DPP10: variants seen among roughly 807,000 people sequenced by gnomAD.
DPP10 encodes dipeptidyl peptidase like 10.
DPP10 carries 33 observed loss-of-function variants against 120.9 expected under a neutral mutation model. That is an observed-to-expected ratio of 0.27 (90% CI 0.21 to 0.37). DPP10 has a LOEUF of 0.37. Ranked by LOEUF, DPP10 falls within the 10% of genes least tolerant of loss-of-function variation. DPP10 has a pLI of 1.00. For missense variants in DPP10, 816 were observed against 942.8 expected (o/e 0.87, Z 1.76); for synonymous variants, 337 against 326.1 (o/e 1.03, Z -0.36).
Position 114,926,667 on chromosome 2 carries a change from T to C in DPP10, c.61-382572T>C, listed in dbSNP as rs72832469. ...CTGGGAGAGAAGGGTCCATGTGTTC[T>C]CCTGCCTGGACCCTCTAGCAAGCTA... On this transcript the variant is annotated intron_variant, in intron 1 of 25. Coordinates refer to ENST00000410059, the MANE Select transcript of DPP10 (RefSeq NM_020868.6). Among the ~76,000 whole-genome samples the C allele has an allele frequency of 4.4e-3, 675 of 152,220 alleles. 1 individual carries two copies. Among genetic ancestry groups the C allele is most frequent in the Non-Finnish European group, 7.0e-3 (477 of 68,004 alleles).
intron 1 of DPP10, among the ~76,000 whole-genome samples, chr2:114,702,231 T>A (rs1444020735): frequency 1.3e-5 from 2 of 152,144 alleles, no homozygotes; most frequent in East Asian, 3.9e-4. Context: ...TGCATGAGTC[T>A]ACCATCACTT....
chr2:114,450,190 C>T (rs1465607089), intron 1 of DPP10, among the ~76,000 whole-genome samples: 1 of 152,106 alleles, frequency 6.6e-6, no homozygotes, highest in Non-Finnish European at 1.5e-5. Flanking sequence ...ATACCTTCCC[C>T]ATCCCCCAAA....
chr2:115,512,744 G>A (rs2077300006), intron 4 of DPP10, among the ~76,000 whole-genome samples: 1 of 151,800 alleles, frequency 6.6e-6, no homozygotes, highest in South Asian at 2.1e-4. Context: ...TTTCATTTGG[G>A]TCAAATAACA....
intron 1 of DPP10, among the ~76,000 whole-genome samples, chr2:114,897,558 G>A (rs1693134052): frequency 6.6e-6 from 1 of 152,026 alleles, no homozygotes; most frequent in Admixed American, 6.6e-5. Flanking sequence ...GAGTGAACAG[G>A]CAACCTACAA....
At chr2:115,826,083 G>A (rs920670112) in intron 21 of DPP10, among the ~76,000 whole-genome samples, 1 of 152,164 alleles carries the variant, frequency 6.6e-6, no homozygotes, top group Non-Finnish European at 1.5e-5. Flanking sequence ...TCATTATCAT[G>A]CTGATTGAAA....
At chr2:115,368,905 T>C (rs1309291693) in intron 3 of DPP10, among the ~76,000 whole-genome samples, 1 of 151,940 alleles carries the variant, frequency 6.6e-6, no homozygotes, top group Non-Finnish European at 1.5e-5. Context: ...ATGGTAATAT[T>C]ACTGTATGGT....
chr2:114,606,349 C>T (rs1692805699), intron 1 of DPP10, among the ~76,000 whole-genome samples: 1 of 152,072 alleles, frequency 6.6e-6, no homozygotes. Context: ...CCAGCCCTTT[C>T]CTGACTTCCT....
chr2:115,148,106 C>T (rs1342664645), intron 1 of DPP10, among the ~76,000 whole-genome samples: 3 of 152,144 alleles, frequency 2.0e-5, no homozygotes, highest in African/African-American at 7.2e-5. Context: ...ACTGAGTTCA[C>T]AAAGGCAAGA....
At chr2:115,168,973 CA>C in intron 1 of DPP10, among the ~76,000 whole-genome samples, 2 of 152,034 alleles carry the variant, frequency 1.3e-5, no homozygotes, top group East Asian at 3.9e-4. Context: ...ATGTCTTCCA[CA>C]AAATAAAAAA....
At chr2:114,599,245 A>C (rs1489753563) in intron 1 of DPP10, among the ~76,000 whole-genome samples, 3 of 151,934 alleles carry the variant, frequency 2.0e-5, no homozygotes, top group Non-Finnish European at 4.4e-5. Flanking sequence ...CCTTTTAAAA[A>C]TATGCATGCA....
At chr2:114,481,638 C>T (rs1006788850) in intron 1 of DPP10, among the ~76,000 whole-genome samples, 3 of 152,100 alleles carry the variant, frequency 2.0e-5, no homozygotes, top group African/African-American at 7.2e-5. Flanking sequence ...AAGAGATGGA[C>T]AAGCAACAAC....
chr2:115,796,098 G>A (rs545681501), intron 19 of DPP10, among the ~76,000 whole-genome samples: 5 of 151,818 alleles, frequency 3.3e-5, no homozygotes, highest in Admixed American at 3.3e-4. Context: ...TTTTCTCTTC[G>A]TTTTTATCTC....
At chr2:114,645,351 A>T (rs562150744) in intron 1 of DPP10, among the ~76,000 whole-genome samples, 8 of 152,360 alleles carry the variant, frequency 5.3e-5, no homozygotes, top group South Asian at 4.1e-4. Flanking sequence ...ATAGGCCAAG[A>T]TACCTGAAGA....
At chr2:114,671,921 A>G (rs1698370960) in intron 1 of DPP10, among the ~76,000 whole-genome samples, 1 of 152,094 alleles carries the variant, frequency 6.6e-6, no homozygotes, top group Non-Finnish European at 1.5e-5. Flanking sequence ...ATATTTTCTC[A>G]CATTCTACTG....
chr2:114,708,950 T>C (rs943083118), intron 1 of DPP10, among the ~76,000 whole-genome samples: 10 of 152,124 alleles, frequency 6.6e-5, no homozygotes, highest in African/African-American at 2.4e-4. Context: ...GAGACAGTGT[T>C]TCACTATGTA....
Position 114,880,358 on chromosome 2 carries a change from T to G in DPP10, c.61-428881T>G, listed in dbSNP as rs10207636. ...TTATTCTATTTTCATATTCGAGACT[T>G]CAAAGCAGCTTAAAAAATATTCATT... On this transcript the variant is annotated intron_variant, in intron 1 of 25. Coordinates refer to ENST00000410059, the MANE Select transcript of DPP10 (RefSeq NM_020868.6). Among the ~76,000 whole-genome samples the G allele has an allele frequency of 8.9e-3, 1,355 of 152,266 alleles. 20 individuals carry two copies. The highest frequency in any genetic ancestry group is 0.031 in the African/African-American group (1,282 of 41,550).
chr2:114,944,081 A>G (rs568263082), intron 1 of DPP10, among the ~76,000 whole-genome samples: 25 of 152,282 alleles, frequency 1.6e-4, no homozygotes, highest in African/African-American at 5.3e-4. Flanking sequence ...TAAAAGTTCA[A>G]TTTCTTTATG....
chr2:114,881,502 G>C (rs62165251), intron 1 of DPP10, among the ~76,000 whole-genome samples: 1 of 84,438 alleles, frequency 1.2e-5, no homozygotes, highest in Non-Finnish European at 2.6e-5. Context: ...ATATCTCTCT[G>C]TCTGTCTGTC....
At chr2:114,815,014 A>G (rs573739837) in intron 1 of DPP10, among the ~76,000 whole-genome samples, 3 of 152,092 alleles carry the variant, frequency 2.0e-5, no homozygotes, top group African/African-American at 7.2e-5. Context: ...ATGGCAAGAG[A>G]AGGGGGCAAA....
Sources: allele counts gnomAD v4.1 joint callset (sites outside exome capture counted in the v4.1 genomes callset), GRCh38; gene constraint gnomAD v4.1.1; transcripts MANE v1.5; gene names NCBI Gene and HGNC (gene_info 2026-07-23, HGNC 2026-07-21).